Variants in USH2A observed in about 807,000 individuals in gnomAD.
USH2A encodes the protein usherin, also known as Usher syndrome 2A (autosomal recessive, mild).
In USH2A, 443 loss-of-function variants were observed where a neutral mutation model predicts 538.9. The ratio of observed to expected loss-of-function variants is 0.82; its 90% CI spans 0.76 to 0.89. USH2A has a LOEUF of 0.89. Among genes scored for constraint, USH2A ranks in the 40% least tolerant of loss-of-function variants. The pLI, the probability that USH2A is intolerant of heterozygous loss-of-function variation, is 0.00. For missense variants in USH2A, 6,633 were observed against 6,324.8 expected (o/e 1.05, Z -1.65); for synonymous variants, 2,413 against 2,273.5 (o/e 1.06, Z -1.75).
At chr1:215,954,881 C>T (rs934004520) in intron 37 of USH2A, among the ~76,000 whole-genome samples, 2 of 152,106 alleles carry the variant, frequency 1.3e-5, no homozygotes, top group African/African-American at 4.8e-5. Context: ...AGCCTAGCTA[C>T]AATGTCCTTC....
At chr1:215,809,671 T>C (rs2102789316) in intron 49 of USH2A, among the ~76,000 whole-genome samples, 1 of 152,200 alleles carries the variant, frequency 6.6e-6, no homozygotes, top group Middle Eastern at 3.4e-3. Context: ...ATGACCCACA[T>C]TAACATTTAC....
intron 67 of USH2A, 83 bp from the exon 68 acceptor site, chr1:215,640,817 AGC>A: frequency 2.3e-6 from 3 of 1,320,784 alleles, no homozygotes; most frequent in Non-Finnish European, 3.2e-6. Context: ...AAAAAATATG[AGC>A]AAAATCAAAC....
At chr1:215,928,808 G>A (rs138109788) in intron 38 of USH2A, among the ~76,000 whole-genome samples, 11 of 152,114 alleles carry the variant, frequency 7.2e-5, no homozygotes, top group East Asian at 3.9e-4. Context: ...GGAGTGACTC[G>A]TTACACAGCA....
chr1:216,028,403 A>C (rs1004203730), intron 32 of USH2A, among the ~76,000 whole-genome samples: 69 of 151,600 alleles, frequency 4.6e-4, no homozygotes, highest in Admixed American at 3.4e-3. Flanking sequence ...TAAATGAATA[A>C]ATAAATAAAT....
In USH2A at chr1:215,648,566, C is replaced by A; in HGVS notation, c.14544G>T (p.Arg4848=). The change falls in exon 66 of 72, where the codon CGG becomes CGT. Residue 4848 remains arginine, a synonymous_variant. Transcript: ENST00000307340. The part of the protein sequence containing the change: ...GTLASRTASF[R]WSPPMFPNGV... ...CATTGGGGAACATGGGGGGACTCCA[C>A]CGGAAGGAGGCCGTCCTTGAGGCCA... 1 of 1,614,206 alleles carries A rather than the reference C, an allele frequency of 6.2e-7. No individual in the cohort carries two copies. The highest frequency in any genetic ancestry group is 2.2e-5 in the East Asian group (1 of 44,874).
chr1:216,076,951 C>T (rs971922050), intron 27 of USH2A, among the ~76,000 whole-genome samples: 2 of 152,056 alleles, frequency 1.3e-5, no homozygotes, highest in African/African-American at 4.8e-5. Flanking sequence ...TTGACCAATG[C>T]CCATAAAAGA....
chr1:216,388,420 T>C (rs1258323387), intron 3 of USH2A, among the ~76,000 whole-genome samples: 2 of 152,236 alleles, frequency 1.3e-5, no homozygotes, highest in African/African-American at 4.8e-5. Flanking sequence ...TTGCTGCTAG[T>C]AACCAACTAA....
intron 46 of USH2A, 70 bp downstream of exon 46, chr1:215,844,224 T>TG: frequency 1.3e-6 from 2 of 1,484,722 alleles, no homozygotes; most frequent in South Asian, 2.3e-5. Context: ...GATATCCACT[T>TG]GAAGACATAG....
chr1:216,110,590 A>G (rs915320691), intron 21 of USH2A, among the ~76,000 whole-genome samples: 1 of 152,240 alleles, frequency 6.6e-6, no homozygotes, highest in Non-Finnish European at 1.5e-5. Context: ...AGGGAAACCC[A>G]TCCTATAGCA....
chr1:215,658,363 C>T (rs978044818), intron 64 of USH2A, among the ~76,000 whole-genome samples: 7 of 151,890 alleles, frequency 4.6e-5, no homozygotes, highest in African/African-American at 1.7e-4. Context: ...TGAGCACTTA[C>T]ACTTTTGTAA....
At chr1:216,360,783 A>T (rs570959802) in intron 4 of USH2A, among the ~76,000 whole-genome samples, 1 of 152,134 alleles carries the variant, frequency 6.6e-6, no homozygotes, top group African/African-American at 2.4e-5. Flanking sequence ...CTCTATACAG[A>T]CAACTAAAAA....
At chr1:215,650,872 A>G in intron 64 of USH2A, 71 bp from the exon 65 acceptor site, 5 of 1,551,572 alleles carry the variant, frequency 3.2e-6, no homozygotes, top group Non-Finnish European at 4.4e-6. Flanking sequence ...AAAAAAAAGA[A>G]AGGAAAAAAA....
intron 32 of USH2A, among the ~76,000 whole-genome samples, chr1:216,018,506 G>A (rs1240911690): frequency 2.0e-5 from 3 of 152,236 alleles, no homozygotes; most frequent in East Asian, 1.9e-4. Context: ...TAAACACTTC[G>A]GCCTCATTCC....
intron 9 of USH2A, among the ~76,000 whole-genome samples, chr1:216,317,645 C>G (rs1019455047): frequency 1.3e-5 from 2 of 151,442 alleles, no homozygotes; most frequent in Non-Finnish European, 2.9e-5. Flanking sequence ...GTCAGGAGTT[C>G]AAGACCTGCC....
chr1:216,285,423 C>T (rs150503670), intron 11 of USH2A, among the ~76,000 whole-genome samples: 1,684 of 152,348 alleles, frequency 0.011, 10 homozygotes, highest in Middle Eastern at 0.048. Context: ...TGGGAACTTC[C>T]GCCTAGCTTT....
rs1452050565 is a variant in USH2A at position 215,860,422 on chromosome 1, AC to A, written c.8845+6584del. On this transcript the variant is annotated intron_variant, in intron 44 of 71. Transcript: ENST00000307340. ...ACATTTATTTGATTGGGGGAAAAAA[AC>A]AAAAGAAAAAAAGTATTTCATGACA... Among the ~76,000 whole-genome samples, 13 of 150,486 alleles carry A rather than the reference AC, an allele frequency of 8.6e-5. No individual in the cohort carries two copies. In the East Asian group the frequency reaches 2.5e-3, roughly 29 times the overall value.
intron 13 of USH2A, among the ~76,000 whole-genome samples, chr1:216,242,838 C>G (rs2035964360): frequency 6.6e-6 from 1 of 152,148 alleles, no homozygotes; most frequent in African/African-American, 2.4e-5. Flanking sequence ...AAAATCATCA[C>G]TATTTAAATT....
chr1:215,898,503 C>T (rs1665406555), intron 40 of USH2A, among the ~76,000 whole-genome samples: 1 of 152,104 alleles, frequency 6.6e-6, no homozygotes, highest in Non-Finnish European at 1.5e-5. Context: ...TCATGGCCCT[C>T]ATTCAGTGAA....
chr1:216,077,580 T>C (rs1393266590), intron 27 of USH2A, among the ~76,000 whole-genome samples: 2 of 148,894 alleles, frequency 1.3e-5, no homozygotes, highest in African/African-American at 4.9e-5. Flanking sequence ...TATATAATTA[T>C]ATATATAATT....
Sources: allele counts gnomAD v4.1 joint callset (sites outside exome capture counted in the v4.1 genomes callset), GRCh38; gene constraint gnomAD v4.1.1; transcripts MANE v1.5; gene names NCBI Gene and HGNC (gene_info 2026-07-23, HGNC 2026-07-21).